EGFR: variants seen among roughly 807,000 people sequenced by gnomAD.
EGFR encodes avian erythroblastic leukemia viral (v-erb-b) oncogene homolog.
In EGFR, 58 loss-of-function variants were observed where a neutral mutation model predicts 143.0. The observed-to-expected ratio is 0.41, with a 90% CI of 0.33 to 0.50. The LOEUF (loss-of-function observed/expected upper bound fraction) is 0.50, where lower values mean the gene tolerates loss of function less well. Among genes scored for constraint, EGFR ranks in the 20% least tolerant of loss-of-function variants. EGFR has a pLI of 0.39. For missense variants in EGFR, 1,307 were observed against 1,579.0 expected, an observed-to-expected ratio of 0.83 and a Z score of 2.92; for synonymous variants, 613 against 594.4, an observed-to-expected ratio of 1.03 and a Z score of -0.45.
At chr7:55,162,176 C>T (rs545997285) in intron 13 of EGFR, among the ~76,000 whole-genome samples, 8 of 152,286 alleles carry the variant, frequency 5.3e-5, no homozygotes, top group African/African-American at 1.9e-4. Context: ...ATAAAAAGTG[C>T]AGTTTGTGAA....
chr7:55,197,238 T>C (rs376814778), intron 22 of EGFR, among the ~76,000 whole-genome samples: 2 of 152,352 alleles, frequency 1.3e-5, no homozygotes, highest in South Asian at 2.1e-4. Context: ...CCTGGTTTAC[T>C]GTATTTCTAG....
Position 55,151,403 on chromosome 7 carries a change from CT to C in EGFR, c.628+42del, listed in dbSNP as rs766948894. Reference sequence around the variant, plus strand: ...GCCTCAGACCCATGTGTGACCGCCCCTCTCTTCCTTCACTTGCTTAGGTGAT... The same window carrying C: ...GCCTCAGACCCATGTGTGACCGCCCCCTCTTCCTTCACTTGCTTAGGTGAT... On this transcript the variant is annotated intron_variant, in intron 5 of 27. Transcript: ENST00000275493. 10 of 1,600,308 alleles carry C rather than the reference CT, an allele frequency of 6.2e-6. No homozygotes were observed. The African/African-American group carries it at 1.3e-4, about 21-fold the overall frequency.
intron 1 of EGFR, among the ~76,000 whole-genome samples, chr7:55,126,426 C>T (rs1297762638): frequency 6.6e-6 from 1 of 152,230 alleles, no homozygotes; most frequent in Non-Finnish European, 1.5e-5. Context: ...ACGAGGGAGG[C>T]ATTCTTCTAC....
chr7:55,027,334 C>T (rs932225074), intron 1 of EGFR, among the ~76,000 whole-genome samples: 9 of 152,170 alleles, frequency 5.9e-5, no homozygotes, highest in Non-Finnish European at 1.2e-4. Context: ...GGCCTCCAGG[C>T]ACAGGGACAG....
At chr7:55,070,268 C>T (rs1055344644) in intron 1 of EGFR, among the ~76,000 whole-genome samples, 5 of 152,172 alleles carry the variant, frequency 3.3e-5, no homozygotes, top group African/African-American at 1.2e-4. Context: ...GGGCACAATA[C>T]TTCTCTTTCT....
At chr7:55,202,472 G>C (rs2128972922) in intron 26 of EGFR, 45 bp from the exon 27 acceptor site, 1 of 1,510,600 alleles carries the variant, frequency 6.6e-7, no homozygotes, top group Non-Finnish European at 9.1e-7. Context: ...CACTGAAGTT[G>C]GGGCAGCCCT....
At chr7:55,189,215 AG>A (rs1787279230) in intron 20 of EGFR, among the ~76,000 whole-genome samples, 3 of 152,200 alleles carry the variant, frequency 2.0e-5, no homozygotes, top group Non-Finnish European at 2.9e-5. Context: ...ATTTCCCAGC[AG>A]GGCAATTAAA....
chr7:55,039,123 C>T (rs34254662), intron 1 of EGFR, among the ~76,000 whole-genome samples: 7 of 152,084 alleles, frequency 4.6e-5, no homozygotes, highest in South Asian at 4.1e-4. Flanking sequence ...AGGGCCCATG[C>T]GTTATGAAAT....
At chr7:55,204,651 TACAC>T (rs202058650) in intron 27 of EGFR, among the ~76,000 whole-genome samples, 14,706 of 96,624 alleles carry the variant, frequency 0.15, 977 homozygotes, top group East Asian at 0.35. Context: ...TACATACACA[TACAC>T]ACACCACACA....
intron 1 of EGFR, among the ~76,000 whole-genome samples, chr7:55,058,384 ACT>A (rs1788962245): frequency 6.6e-6 from 1 of 151,258 alleles, no homozygotes; most frequent in Non-Finnish European, 1.5e-5. Context: ...ACAGAGCGAG[ACT>A]CTGTCTCAAA....
At chr7:55,091,529 G>A (rs963928661) in intron 1 of EGFR, among the ~76,000 whole-genome samples, 4 of 152,208 alleles carry the variant, frequency 2.6e-5, no homozygotes, top group African/African-American at 2.4e-5. Context: ...ACCTCCCTTC[G>A]ACAGTACAGG....
rs61006278 is a variant in EGFR at position 55,128,695 on chromosome 7, T to A, written c.89-13591T>A. 7.8e-3 allele frequency among the ~76,000 whole-genome samples: 1,192 copies of A among 152,312 alleles called. 19 individuals carry two copies. Among genetic ancestry groups the A allele is most frequent in the African/African-American group, 0.027 (1,117 of 41,562 alleles). On this transcript the variant is annotated intron_variant, in intron 1 of 27. Coordinates refer to ENST00000275493, the MANE Select transcript of EGFR (RefSeq NM_005228.5). Reference sequence around the variant, plus strand: ...AATATCACTCTAGTTAGATCTCAAATATATTCAATCAGAAAATGGGTTTTC... The same window carrying A: ...AATATCACTCTAGTTAGATCTCAAAAATATTCAATCAGAAAATGGGTTTTC...
rs1488650807 is a variant in EGFR at position 55,205,569 on chromosome 7, A to C, written c.3585A>C (p.Ala1195=). The change falls in exon 28 of 28, where the codon GCA becomes GCC. Residue 1195 remains alanine, a synonymous_variant. Transcript: ENST00000275493. ...TTAAGGGCTCCACAGCTGAAAATGC[A>C]GAATACCTAAGGGTCGCGCCACAAA... ...GIFKGSTAEN[A]EYLRVAPQSS... is the part of the protein sequence containing the mutation. The C allele has an allele frequency of 6.2e-7, 1 of 1,614,236 alleles. No individual in the cohort carries two copies. Among genetic ancestry groups the C allele is most frequent in the Non-Finnish European group, 8.5e-7 (1 of 1,180,034 alleles).
At position 55,181,285 on chromosome 7, in the gene EGFR, C is replaced by T. The variant is rs2128958186; in HGVS notation, c.2284-8C>T. 2 of 1,614,064 alleles carry T rather than the reference C, an allele frequency of 1.2e-6. No homozygotes were observed. The highest frequency in any genetic ancestry group is 8.5e-7 in the Non-Finnish European group (1 of 1,180,044). On this transcript the variant is annotated splice_region_variant and splice_polypyrimidine_tract_variant and intron_variant, in intron 19 of 27. Transcript: ENST00000275493. The stretch of plus-strand genomic sequence containing the variant: ...AAGCCACACTGACGTGCCTCTCCCT[C>T]CCTCCAGGAAGCCTACGTGATGGCC...
At chr7:55,110,121 T>C (rs1792384819) in intron 1 of EGFR, among the ~76,000 whole-genome samples, 1 of 152,064 alleles carries the variant, frequency 6.6e-6, no homozygotes, top group South Asian at 2.1e-4. Flanking sequence ...AGACAACAAG[T>C]TTTGAGCTTT....
chr7:55,065,649 G>T (rs1428883900), intron 1 of EGFR, among the ~76,000 whole-genome samples: 1 of 152,156 alleles, frequency 6.6e-6, no homozygotes, highest in African/African-American at 2.4e-5. Flanking sequence ...AGCTATGGCT[G>T]TGAATTCAAC....
intron 1 of EGFR, among the ~76,000 whole-genome samples, chr7:55,140,306 G>A (rs532655530): frequency 3.9e-5 from 6 of 152,194 alleles, no homozygotes; most frequent in Middle Eastern, 3.4e-3. Flanking sequence ...TGCATCCTGA[G>A]GAAACTCTTC....
Position 55,142,559 on chromosome 7 carries a change from G to C in EGFR, c.240+122G>C. On this transcript the variant is annotated intron_variant, in intron 2 of 27. Coordinates refer to ENST00000275493, the MANE Select transcript of EGFR (RefSeq NM_005228.5). ...CTATGGCAATGACAAGTCTTACAGA[G>C]CTACAAACGAGAGTTTTATGAGAAA... 2.4e-6 allele frequency: 3 copies of C among 1,262,760 alleles called. No individual in the cohort carries two copies. The East Asian group carries it at 7.1e-5, about 30-fold the overall frequency. 78.2% of individuals were successfully genotyped at this position (1,262,760 alleles called of 1,614,324 possible).
intron 1 of EGFR, among the ~76,000 whole-genome samples, chr7:55,038,727 C>A (rs1217478601): frequency 1.3e-5 from 2 of 150,844 alleles, no homozygotes; most frequent in Non-Finnish European, 3.0e-5. Flanking sequence ...AATCAGTCCT[C>A]CTGTGTGTGT....
Sources: allele counts gnomAD v4.1 joint callset (sites outside exome capture counted in the v4.1 genomes callset), GRCh38; gene constraint gnomAD v4.1.1; transcripts MANE v1.5; gene names NCBI Gene and HGNC (gene_info 2026-07-23, HGNC 2026-07-21).